The following TEK variants were observed in gnomAD, a reference collection of about 807,000 sequenced individuals.
TEK encodes the protein angiopoietin-1 receptor.
Under a neutral mutation model 131.8 loss-of-function variants are expected in TEK, and 43 were observed. The observed-to-expected ratio is 0.33, with a 90% confidence interval of 0.26 to 0.42. The LOEUF is 0.42. Among genes scored for constraint, TEK ranks in the 10% least tolerant of loss-of-function variants. TEK has a pLI of 1.00. For synonymous variants in TEK, 580 were observed against 491.6 expected, an observed-to-expected ratio of 1.18 and a Z score of -2.38; for missense variants, 1,162 against 1,384.4, an observed-to-expected ratio of 0.84 and a Z score of 2.55.
intron 1 of TEK, among the ~76,000 whole-genome samples, chr9:27,126,046 T>C (rs1477183452): frequency 6.6e-6 from 1 of 152,190 alleles, no homozygotes; most frequent in Non-Finnish European, 1.5e-5. Flanking sequence ...TCATGGTGCT[T>C]ATGTTCTGTA....
intron 4 of TEK, among the ~76,000 whole-genome samples, chr9:27,171,368 A>G (rs904238101): frequency 6.6e-6 from 1 of 152,180 alleles, no homozygotes; most frequent in Non-Finnish European, 1.5e-5. Context: ...TCATTTACCA[A>G]AATGTGTTGG....
intron 16 of TEK, 60 bp downstream of exon 16, chr9:27,209,291 AT>A (rs1471635258): frequency 8.4e-7 from 1 of 1,188,162 alleles, no homozygotes; most frequent in Admixed American, 1.7e-5. Context: ...CAAATTCCAT[AT>A]GGATATAAGG....
intron 21 of TEK, among the ~76,000 whole-genome samples, chr9:27,220,976 G>T (rs1039721350): frequency 6.6e-6 from 1 of 152,192 alleles, no homozygotes; most frequent in African/African-American, 2.4e-5. Context: ...GGAGCCAAGT[G>T]GTCTAGCTCA....
At chr9:27,130,846 G>A (rs942834760) in intron 1 of TEK, among the ~76,000 whole-genome samples, 8 of 151,666 alleles carry the variant, frequency 5.3e-5, no homozygotes, top group East Asian at 1.9e-4. Flanking sequence ...GATTACAGGC[G>A]TGAGCCACCG....
chr9:27,209,525 A>G (rs1160705104), intron 16 of TEK, among the ~76,000 whole-genome samples: 1 of 152,106 alleles, frequency 6.6e-6, no homozygotes, highest in Non-Finnish European at 1.5e-5. Flanking sequence ...GGTTTTCTCC[A>G]CTACCACTAC....
intron 1 of TEK, among the ~76,000 whole-genome samples, chr9:27,113,702 G>T (rs1191678684): frequency 6.6e-6 from 1 of 152,194 alleles, no homozygotes; most frequent in Non-Finnish European, 1.5e-5. Context: ...GGATGTAGGA[G>T]AACCACTTAA....
rs866968099 is a variant in TEK at position 27,169,506 on chromosome 9, G to A, written c.505G>A (p.Glu169Lys). 6.2e-7 allele frequency: 1 copy of A among 1,614,096 alleles called. No individual in the cohort carries two copies. The highest frequency in any genetic ancestry group is 8.5e-7 in the Non-Finnish European group (1 of 1,179,964). ...CTTCATCCATTCAGTGCCCCGGCAT[G>A]AAGTACCTGATATTCTAGAAGTACA... is the stretch of plus-strand genomic sequence containing the variant. ...GSFIHSVPRHEVPDILEVHLP... is the reference protein window; with the variant it reads ...GSFIHSVPRHKVPDILEVHLP... Residue 169 changes from glutamate to lysine, a missense_variant, in exon 4 of 23, where the codon GAA becomes AAA. Physicochemically the swap from Glu to Lys is moderately conservative, Grantham distance 56. Coordinates refer to ENST00000380036, the MANE Select transcript of TEK (RefSeq NM_000459.5).
rs1375852446 is a variant in TEK, at chr9:27,180,124, T to G, written c.902-116T>G. The G allele has an allele frequency of 6.1e-6, 9 of 1,475,510 alleles. No homozygotes were observed. The East Asian group carries it at 2.1e-4, about 34-fold the overall frequency. 91.4% of individuals were successfully genotyped at this position (1,475,510 alleles called of 1,614,324 possible). ...TAATTCAGATAAATTACCCCCTACC[T>G]TACACAAATCAGCAAAGTTGATGGC... is the stretch of plus-strand genomic sequence containing the variant. On this transcript the variant is annotated intron_variant, in intron 6 of 22. Transcript: ENST00000380036.
At chr9:27,214,602 A>G (rs1362978658) in intron 18 of TEK, among the ~76,000 whole-genome samples, 1 of 152,154 alleles carries the variant, frequency 6.6e-6, no homozygotes, top group Non-Finnish European at 1.5e-5. Context: ...AATACTCAAG[A>G]ACATTTTGAA....
intron 1 of TEK, among the ~76,000 whole-genome samples, chr9:27,140,918 G>C (rs565172216): frequency 6.6e-6 from 1 of 152,048 alleles, no homozygotes; most frequent in Non-Finnish European, 1.5e-5. Context: ...GTTTTACCTT[G>C]TCTGAAACTA....
intron 6 of TEK, among the ~76,000 whole-genome samples, chr9:27,174,480 A>C (rs2131152714): frequency 6.6e-6 from 1 of 152,356 alleles, no homozygotes; most frequent in Non-Finnish European, 1.5e-5. Flanking sequence ...TATCAGTTCA[A>C]CATGTAATCA....
At chr9:27,163,520 A>T (rs1355026741) in intron 2 of TEK, among the ~76,000 whole-genome samples, 2 of 152,178 alleles carry the variant, frequency 1.3e-5, no homozygotes, top group African/African-American at 4.8e-5. Flanking sequence ...AAAACTCATG[A>T]CTTGGACATG....
intron 6 of TEK, among the ~76,000 whole-genome samples, chr9:27,178,344 A>G (rs764072518): frequency 5.3e-5 from 8 of 152,016 alleles, no homozygotes; most frequent in Non-Finnish European, 8.8e-5. Context: ...CCAGTACCAT[A>G]CTGTTTTTAT....
intron 1 of TEK, among the ~76,000 whole-genome samples, chr9:27,117,220 G>A (rs1821607103): frequency 6.6e-6 from 1 of 152,234 alleles, no homozygotes; most frequent in Admixed American, 6.5e-5. Flanking sequence ...CAGCCTCCGG[G>A]CCTGACACTG....
chr9:27,207,257 C>T (rs1003074398), intron 15 of TEK, among the ~76,000 whole-genome samples: 2 of 152,192 alleles, frequency 1.3e-5, no homozygotes, highest in African/African-American at 2.4e-5. Flanking sequence ...CCACATTTTG[C>T]AAACCACAGT....
intron 6 of TEK, among the ~76,000 whole-genome samples, chr9:27,178,418 G>T (rs1157859908): frequency 1.3e-5 from 2 of 151,796 alleles, no homozygotes; most frequent in Non-Finnish European, 2.9e-5. Flanking sequence ...TGTTCTTCTT[G>T]CTCAATATTG....
intron 1 of TEK, among the ~76,000 whole-genome samples, chr9:27,139,012 A>T (rs1396681344): frequency 6.6e-6 from 1 of 151,936 alleles, no homozygotes; most frequent in Non-Finnish European, 1.5e-5. Flanking sequence ...GATCAAGACC[A>T]TCCTGGCTAA....
chr9:27,182,488 C>A (rs1824418990), intron 7 of TEK, among the ~76,000 whole-genome samples: 1 of 152,166 alleles, frequency 6.6e-6, no homozygotes, highest in Non-Finnish European at 1.5e-5. Context: ...TTTCCCTTCT[C>A]CTCCACACCT....
chr9:27,123,795 T>C (rs1821888014), intron 1 of TEK, among the ~76,000 whole-genome samples: 1 of 151,032 alleles, frequency 6.6e-6, no homozygotes, highest in Non-Finnish European at 1.5e-5. Context: ...ATTTATTCTT[T>C]TGAGATAGTC....
Sources: gnomAD v4.1 joint callset for allele counts (sites outside exome capture counted in the v4.1 genomes callset) on GRCh38, gnomAD v4.1.1 for gene constraint, MANE v1.5 for transcripts, NCBI Gene and HGNC (gene_info 2026-07-23, HGNC 2026-07-21) for gene names.